ROBO2: variants seen among roughly 807,000 people sequenced by gnomAD.
ROBO2 encodes roundabout homolog 2.
In ROBO2, 53 loss-of-function variants were observed where a neutral mutation model predicts 160.8. That is an observed-to-expected ratio of 0.33 (90% CI 0.26 to 0.41). The LOEUF (loss-of-function observed/expected upper bound fraction) is 0.41, where lower values mean the gene tolerates loss of function less well. Among genes scored for constraint, ROBO2 ranks in the 10% least tolerant of loss-of-function variants. ROBO2 has a pLI of 1.00. For synonymous variants in ROBO2, 664 were observed against 611.7 expected (o/e 1.09, Z -1.26); for missense variants, 1,577 against 1,722.4 (o/e 0.92, Z 1.49).
chr3:76,092,530 G>A (rs1435206592), intron 2 of ROBO2, among the ~76,000 whole-genome samples: 1 of 152,144 alleles, frequency 6.6e-6, no homozygotes, highest in Non-Finnish European at 1.5e-5. Context: ...TCTGTGATTT[G>A]TTTCCTCTCA....
chr3:77,503,970 G>A (rs1009459779), intron 5 of ROBO2, among the ~76,000 whole-genome samples: 8 of 152,282 alleles, frequency 5.3e-5, no homozygotes, highest in Middle Eastern at 6.8e-3. Context: ...GTATTTCAGG[G>A]TATACCCTGA....
Position 76,091,133 on chromosome 3 carries a change from G to A in ROBO2, c.109+153531G>A, listed in dbSNP as rs1030243922. Among the ~76,000 whole-genome samples, 3 of 152,218 alleles carry A rather than the reference G, an allele frequency of 2.0e-5. No homozygotes were observed. In the South Asian group the frequency reaches 6.2e-4, roughly 32 times the overall value. The stretch of plus-strand genomic sequence containing the variant: ...AAATTGGAAACTTTTGCTCATCACA[G>A]CCACCATGAAGAGGAGAAGATAAGC... On this transcript the variant is annotated intron_variant, in intron 2 of 26. Transcript: ENST00000487694.
At chr3:77,460,924 A>C (rs2082174275) in intron 2 of ROBO2, among the ~76,000 whole-genome samples, 1 of 152,168 alleles carries the variant, frequency 6.6e-6, no homozygotes, top group Non-Finnish European at 1.5e-5. Context: ...ATTAATCACT[A>C]TATTTTATTG....
intron 2 of ROBO2, among the ~76,000 whole-genome samples, chr3:76,698,176 A>G (rs1456473542): frequency 1.3e-5 from 2 of 152,176 alleles, no homozygotes; most frequent in Non-Finnish European, 2.9e-5. Context: ...TGGCATTGCA[A>G]TATGGAGTCA....
intron 2 of ROBO2, among the ~76,000 whole-genome samples, chr3:77,358,650 G>T (rs375830160): frequency 1.3e-5 from 2 of 152,066 alleles, no homozygotes; most frequent in South Asian, 4.1e-4. Flanking sequence ...GTGCATCTAC[G>T]CAGGCCATGT....
At chr3:77,185,858 A>G (rs1271722461) in intron 2 of ROBO2, among the ~76,000 whole-genome samples, 3 of 151,954 alleles carry the variant, frequency 2.0e-5, no homozygotes, top group African/African-American at 4.8e-5. Flanking sequence ...ATAAAAAGGA[A>G]TGAATTAATA....
At chr3:76,336,840 T>A (rs1233668016) in intron 2 of ROBO2, among the ~76,000 whole-genome samples, 1 of 152,214 alleles carries the variant, frequency 6.6e-6, no homozygotes, top group Non-Finnish European at 1.5e-5. Context: ...GGAAGCTGGA[T>A]ATCTAATAAG....
chr3:76,054,689 G>A (rs1311856748), intron 2 of ROBO2, among the ~76,000 whole-genome samples: 2 of 152,140 alleles, frequency 1.3e-5, no homozygotes, highest in Non-Finnish European at 2.9e-5. Flanking sequence ...AGTCCTATGT[G>A]CCTATCAGTG....
chr3:77,129,180 A>AT (rs1417287244), intron 2 of ROBO2, among the ~76,000 whole-genome samples: 1 of 151,242 alleles, frequency 6.6e-6, no homozygotes, highest in Admixed American at 6.6e-5. Flanking sequence ...ATGTGTCTTT[A>AT]TTTTTCAACT....
chr3:75,932,308 C>G (rs1696934893), intron 1 of ROBO2, among the ~76,000 whole-genome samples: 1 of 152,156 alleles, frequency 6.6e-6, no homozygotes, highest in Non-Finnish European at 1.5e-5. Flanking sequence ...TGATTTGTCA[C>G]TATTTTAATT....
chr3:77,547,845 T>C (rs2092759220), intron 7 of ROBO2, among the ~76,000 whole-genome samples: 1 of 151,996 alleles, frequency 6.6e-6, no homozygotes. Context: ...ACAAAACAGG[T>C]TTCTACACAT....
intron 2 of ROBO2, among the ~76,000 whole-genome samples, chr3:76,455,446 AG>A (rs1319802164): frequency 1.3e-5 from 2 of 152,178 alleles, no homozygotes; most frequent in African/African-American, 4.8e-5. Context: ...ATCCTAATTT[AG>A]AAAAAATAAA....
chr3:76,692,931 G>A (rs760756732), intron 2 of ROBO2, among the ~76,000 whole-genome samples: 1 of 150,226 alleles, frequency 6.7e-6, no homozygotes, highest in Non-Finnish European at 1.5e-5. Context: ...TCTATATATA[G>A]TGTGTATATA....
chr3:77,628,054 T>G (rs1168566288), intron 23 of ROBO2, among the ~76,000 whole-genome samples: 1 of 152,206 alleles, frequency 6.6e-6, no homozygotes, highest in Non-Finnish European at 1.5e-5. Context: ...AACAACTTAA[T>G]GTCCTATGTG....
intron 2 of ROBO2, among the ~76,000 whole-genome samples, chr3:75,986,088 T>C (rs151060308): frequency 6.6e-6 from 1 of 151,840 alleles, no homozygotes; most frequent in African/African-American, 2.4e-5. Flanking sequence ...TATGTACTTA[T>C]ATTTTTAATC....
At chr3:76,324,829 A>G (rs1378648297) in intron 2 of ROBO2, among the ~76,000 whole-genome samples, 1 of 152,246 alleles carries the variant, frequency 6.6e-6, no homozygotes, top group Admixed American at 6.5e-5. Context: ...GAAGTTGACT[A>G]TTAATAGGAA....
rs573412696 is a variant in ROBO2, at chr3:76,655,900, A to G, written c.110-442114A>G. Among the ~76,000 whole-genome samples, 3 of 152,216 alleles carry G rather than the reference A, an allele frequency of 2.0e-5. No homozygotes were observed. The South Asian group carries it at 6.2e-4, about 32-fold the overall frequency. On this transcript the variant is annotated intron_variant, in intron 2 of 26. Coordinates refer to the ROBO2 transcript ENST00000487694. ...AATAAAAATACATTTTTATTGTATG[A>G]CATTATTACATATATACAACAGACT... is the stretch of plus-strand genomic sequence containing the variant.
chr3:77,305,348 A>G (rs1441603881), intron 2 of ROBO2, among the ~76,000 whole-genome samples: 3 of 152,194 alleles, frequency 2.0e-5, no homozygotes, highest in Non-Finnish European at 2.9e-5. Flanking sequence ...ATTTCCTAGC[A>G]AATCACTGAT....
intron 2 of ROBO2, among the ~76,000 whole-genome samples, chr3:76,109,473 A>C (rs993963845): frequency 7.2e-5 from 11 of 152,090 alleles, no homozygotes; most frequent in African/African-American, 2.2e-4. Context: ...AGCAGGCATC[A>C]CCCTAAGGAG....
Sources: allele counts gnomAD v4.1 joint callset (sites outside exome capture counted in the v4.1 genomes callset), GRCh38; gene constraint gnomAD v4.1.1; transcripts MANE v1.5; gene names NCBI Gene and HGNC (gene_info 2026-07-23, HGNC 2026-07-21).